Variants in MALRD1 observed in about 807,000 individuals in gnomAD.
The protein encoded by MALRD1 is MAM and LDL receptor class A domain containing 1.
MALRD1 carries 247 observed loss-of-function variants against 242.1 expected under a neutral mutation model. That is an observed-to-expected ratio of 1.02 (90% CI 0.92 to 1.13). The LOEUF (loss-of-function observed/expected upper bound fraction) is 1.13. MALRD1 is among the 50% of genes most tolerant of loss of function. The pLI, the probability that MALRD1 is intolerant of heterozygous loss-of-function variation, is 0.00. For synonymous variants in MALRD1, 995 were observed against 866.6 expected (o/e 1.15, Z -2.60); for missense variants, 2,989 against 2,533.1 (o/e 1.18, Z -3.86).
intron 9 of MALRD1, among the ~76,000 whole-genome samples, chr10:19,134,150 G>GT (rs1027285555): frequency 6.6e-6 from 1 of 152,116 alleles, no homozygotes; most frequent in African/African-American, 2.4e-5. Flanking sequence ...GGGAAATTGA[G>GT]TGTCTCCACT....
At chr10:19,154,997 G>C in intron 11 of MALRD1, 78 bp from the exon 12 acceptor site, 2 of 744,218 alleles carry the variant, frequency 2.7e-6, no homozygotes, top group South Asian at 6.9e-5. Context: ...GCATGTGCAA[G>C]GATAAGATTG....
chr10:19,592,847 A>G (rs1837888933), intron 33 of MALRD1, among the ~76,000 whole-genome samples: 1 of 151,792 alleles, frequency 6.6e-6, no homozygotes, highest in South Asian at 2.1e-4. Flanking sequence ...AGAGAACATT[A>G]TTTTCCTCAT....
intron 33 of MALRD1, among the ~76,000 whole-genome samples, chr10:19,571,269 A>C (rs1019923086): frequency 1.3e-5 from 2 of 152,166 alleles, no homozygotes; most frequent in Non-Finnish European, 2.9e-5. Flanking sequence ...CTGTGTAAGA[A>C]AGAGTAATCT....
chr10:19,568,943 A>G (rs923699536), intron 33 of MALRD1, among the ~76,000 whole-genome samples: 6 of 152,138 alleles, frequency 3.9e-5, no homozygotes, highest in African/African-American at 1.2e-4. Context: ...TAGATTCTAG[A>G]TACATATTCA....
At chr10:19,200,666 T>TTTG (rs1836490173) in intron 14 of MALRD1, among the ~76,000 whole-genome samples, 1 of 121,992 alleles carries the variant, frequency 8.2e-6, no homozygotes, top group African/African-American at 2.9e-5. Context: ...TTTTTTTTTT[T>TTTG]TTTTTGGCTT....
At chr10:19,702,455 A>G (rs115363637) in intron 38 of MALRD1, among the ~76,000 whole-genome samples, 3 of 152,226 alleles carry the variant, frequency 2.0e-5, no homozygotes, top group Non-Finnish European at 4.4e-5. Flanking sequence ...ACAATGTTAT[A>G]GCAATGATGA....
At chr10:19,711,262 G>T (rs970914104) in intron 38 of MALRD1, 22 of 152,096 alleles carry the variant, frequency 1.4e-4, no homozygotes, top group Admixed American at 1.1e-3. Flanking sequence ...ATGAATCAAA[G>T]TTCTTCAAAG....
At chr10:19,064,023 A>T (rs1269932438) in intron 1 of MALRD1, among the ~76,000 whole-genome samples, 2 of 152,098 alleles carry the variant, frequency 1.3e-5, no homozygotes, top group Admixed American at 1.3e-4. Flanking sequence ...ACTATGAGGA[A>T]TTCTTTAGGG....
At chr10:19,294,427 G>T (rs1220170437) in intron 21 of MALRD1, among the ~76,000 whole-genome samples, 1 of 152,164 alleles carries the variant, frequency 6.6e-6, no homozygotes, top group East Asian at 1.9e-4. Flanking sequence ...GATTTATGCA[G>T]ATATATCAAT....
intron 33 of MALRD1, among the ~76,000 whole-genome samples, chr10:19,592,813 A>C (rs1383136571): frequency 2.0e-5 from 3 of 151,998 alleles, no homozygotes; most frequent in Non-Finnish European, 4.4e-5. Flanking sequence ...GAACTGGGAA[A>C]CATAAAAGTC....
chr10:19,348,611 A>G (rs1036240379), intron 25 of MALRD1, among the ~76,000 whole-genome samples: 2 of 152,150 alleles, frequency 1.3e-5, no homozygotes, highest in Non-Finnish European at 2.9e-5. Context: ...ATTTAAAAGT[A>G]TAAATAAGGT....
chr10:19,049,730 C>T (rs1165945551), intron 1 of MALRD1, among the ~76,000 whole-genome samples: 1 of 152,148 alleles, frequency 6.6e-6, no homozygotes, highest in Admixed American at 6.5e-5. Context: ...TGATTTTGAA[C>T]TTTATTTTAT....
chr10:19,165,693 G>A lies in MALRD1; in HGVS notation c.1713G>A (p.Thr571=), dbSNP rs1171186177. 25 of 1,231,508 alleles carry A rather than the reference G, an allele frequency of 2.0e-5. No homozygotes were observed. In the East Asian group the frequency reaches 2.5e-4, roughly 12 times the overall value. The allele number at this position is 1,231,508 out of a possible 1,614,324, so 76.3% of individuals were successfully genotyped here. ...QHSNLSVFTR[T]SLDGNLQKQG... ...CAAATCTCTCAGTTTTTACAAGAAC[G>A]TCTCTAGATGGAAACTTGCAAAAGC... is the stretch of plus-strand genomic sequence containing the variant. The change falls in exon 13 of 40, where the codon ACG becomes ACA. Residue 571 remains threonine (T), a synonymous_variant. Transcript: ENST00000454679.
chr10:19,358,455 A>T (rs1182488776), intron 26 of MALRD1, among the ~76,000 whole-genome samples: 2 of 152,170 alleles, frequency 1.3e-5, no homozygotes, highest in Non-Finnish European at 2.9e-5. Flanking sequence ...GTCCTGAAAT[A>T]GGAATATCTG....
intron 36 of MALRD1, among the ~76,000 whole-genome samples, chr10:19,683,613 A>G (rs955318935): frequency 6.6e-6 from 1 of 152,094 alleles, no homozygotes; most frequent in Non-Finnish European, 1.5e-5. Flanking sequence ...ATATCTTGAG[A>G]TGTTTGCAGG....
At chr10:19,335,570 C>T (rs191495969) in intron 24 of MALRD1, among the ~76,000 whole-genome samples, 19 of 152,118 alleles carry the variant, frequency 1.2e-4, no homozygotes, top group Admixed American at 4.6e-4. Context: ...AAAAGAATCA[C>T]CATAGAAAAT....
chr10:19,170,997 G>C (rs909832659), intron 13 of MALRD1, among the ~76,000 whole-genome samples: 1 of 151,534 alleles, frequency 6.6e-6, no homozygotes, highest in Admixed American at 6.6e-5. Context: ...ATTTTCTCTT[G>C]GATTCATATT....
chr10:19,716,711 G>A (rs1256714587), intron 38 of MALRD1: 1 of 152,118 alleles, frequency 6.6e-6, no homozygotes, highest in Non-Finnish European at 1.5e-5. Flanking sequence ...CAGTTGTAAT[G>A]CAGAATCTGA....
intron 12 of MALRD1, among the ~76,000 whole-genome samples, chr10:19,164,856 G>A (rs1834604157): frequency 2.6e-5 from 4 of 151,944 alleles, no homozygotes; most frequent in Admixed American, 2.6e-4. Flanking sequence ...TGGTGAATAG[G>A]AAGTGAAATG....
Sources: gnomAD v4.1 joint callset for allele counts (sites outside exome capture counted in the v4.1 genomes callset) on GRCh38, gnomAD v4.1.1 for gene constraint, MANE v1.5 for transcripts, NCBI Gene and HGNC (gene_info 2026-07-23, HGNC 2026-07-21) for gene names.